The following MYO10 variants were observed in gnomAD, a reference collection of about 807,000 sequenced individuals.
MYO10 encodes the protein unconventional myosin-X.
MYO10 carries 133 observed loss-of-function variants against 257.3 expected under a neutral mutation model. The ratio of observed to expected loss-of-function variants is 0.52; its 90% CI spans 0.45 to 0.60. The LOEUF is 0.60. Ranked by LOEUF, MYO10 falls within the 20% of genes least tolerant of loss-of-function variation. MYO10 has a pLI of 0.00. For synonymous variants in MYO10, 1,104 were observed against 1,028.6 expected (o/e 1.07, Z -1.40); for missense variants, 2,399 against 2,635.7 (o/e 0.91, Z 1.97).
chr5:16,932,628 A>G (rs116438278), intron 1 of MYO10, among the ~76,000 whole-genome samples: 2,832 of 152,300 alleles, frequency 0.019, 46 homozygotes, highest in Middle Eastern at 0.044. Context: ...GAAGGCCATG[A>G]AGAAACTGAA....
At chr5:16,685,695 G>GC in intron 29 of MYO10, 43 bp downstream of exon 29, 7 of 1,028,078 alleles carry the variant, frequency 6.8e-6, no homozygotes, top group Non-Finnish European at 9.8e-6. Context: ...CCCCGTCCCT[G>GC]CCCCTAGACG....
In MYO10 at chr5:16,835,492, G is replaced by GGTTT. The variant is rs1554001243; in HGVS notation, c.121-17326_121-17325insAAAC. ...GATCACACCAAAGTCATTTTTGGCT[G>GGTTT]TTTTTTTTTTTTTTTTTTTTTTTGG... On this transcript the variant is annotated intron_variant, in intron 2 of 40. Transcript: ENST00000513610. Among the ~76,000 whole-genome samples, 144 of 81,070 alleles carry GGTTT rather than the reference G, an allele frequency of 1.8e-3. 1 individual carries two copies. The highest frequency in any genetic ancestry group is 3.8e-3 in the East Asian group (9 of 2,346). 53.2% of individuals were successfully genotyped at this position (81,070 alleles called of 152,430 possible). A position where few individuals can be genotyped will look rare whatever the true frequency, so the allele number is the denominator to read the frequency against.
intron 29 of MYO10, among the ~76,000 whole-genome samples, chr5:16,684,490 C>T (rs771889336): frequency 4.2e-4 from 64 of 152,320 alleles, no homozygotes; most frequent in African/African-American, 1.4e-3. Context: ...GTGATCCATC[C>T]GCCTTGGCCT....
chr5:16,757,997 A>C, intron 18 of MYO10, 121 bp downstream of exon 18: 1 of 767,736 alleles, frequency 1.3e-6, no homozygotes, highest in Non-Finnish European at 2.2e-6. Flanking sequence ...TAAAAGCATG[A>C]TATAAAAGGA....
chr5:16,870,683 G>A (rs1744428436), intron 2 of MYO10, among the ~76,000 whole-genome samples: 1 of 151,924 alleles, frequency 6.6e-6, no homozygotes, highest in Non-Finnish European at 1.5e-5. Flanking sequence ...ATCTGAGGTT[G>A]GGAGTTGGAG....
chr5:16,683,374 A>G (rs1737097383), intron 30 of MYO10, among the ~76,000 whole-genome samples: 2 of 152,192 alleles, frequency 1.3e-5, no homozygotes, highest in Admixed American at 1.3e-4. Flanking sequence ...ATCATCTCCA[A>G]AGATGATTTG....
chr5:16,739,122 A>G (rs1380026112), intron 19 of MYO10, among the ~76,000 whole-genome samples: 1 of 149,482 alleles, frequency 6.7e-6, no homozygotes, highest in Non-Finnish European at 1.5e-5. Context: ...GGAGTTTGAG[A>G]CTGTAGTGTG....
chr5:16,719,693 G>A (rs1202685447), intron 19 of MYO10, among the ~76,000 whole-genome samples: 5 of 152,202 alleles, frequency 3.3e-5, no homozygotes, highest in African/African-American at 1.2e-4. Context: ...GCCAGGCACG[G>A]TGGCTCACGC....
chr5:16,877,975 AT>A (rs964474277), intron 1 of MYO10, among the ~76,000 whole-genome samples: 2 of 152,140 alleles, frequency 1.3e-5, no homozygotes, highest in Admixed American at 1.3e-4. Context: ...CATGCAACTG[AT>A]TTAGGTGGAT....
chr5:16,698,902 C>T (rs887047247), intron 26 of MYO10, among the ~76,000 whole-genome samples: 60 of 143,798 alleles, frequency 4.2e-4, no homozygotes, highest in Admixed American at 8.0e-4. Context: ...GGATTACAGG[C>T]GTGAGCCACC....
chr5:16,902,487 T>A, intron 1 of MYO10: 2 of 1,538,584 alleles, frequency 1.3e-6, no homozygotes, highest in Non-Finnish European at 1.8e-6. Flanking sequence ...TTCAGACATG[T>A]CCCTGACTGC....
At chr5:16,916,972 T>C (rs1242454508) in intron 1 of MYO10, among the ~76,000 whole-genome samples, 1 of 152,126 alleles carries the variant, frequency 6.6e-6, no homozygotes, top group African/African-American at 2.4e-5. Flanking sequence ...ATCTCAGAAA[T>C]ATACAAATCA....
chr5:16,738,320 G>T, intron 19 of MYO10: 6 of 985,504 alleles, frequency 6.1e-6, no homozygotes, highest in Non-Finnish European at 7.2e-6. Flanking sequence ...CAGGGGTGGG[G>T]ATTAAGAGGC....
intron 26 of MYO10, among the ~76,000 whole-genome samples, chr5:16,695,524 A>C: frequency 6.6e-6 from 1 of 151,306 alleles, no homozygotes; most frequent in East Asian, 1.9e-4. Flanking sequence ...GACTGAGACT[A>C]TGAAAAAAAA....
At chr5:16,836,792 CT>C (rs1383873953) in intron 2 of MYO10, among the ~76,000 whole-genome samples, 1 of 152,122 alleles carries the variant, frequency 6.6e-6, no homozygotes, top group Non-Finnish European at 1.5e-5. Flanking sequence ...TCTGGTCATT[CT>C]TTGAAAGGCT....
At chr5:16,895,922 CG>C (rs1397199672) in intron 1 of MYO10, among the ~76,000 whole-genome samples, 1 of 152,142 alleles carries the variant, frequency 6.6e-6, no homozygotes, top group Non-Finnish European at 1.5e-5. Context: ...CACAGCAGGG[CG>C]GGGGCAGGGA....
rs193098233 is a variant in MYO10, at chr5:16,858,647, G to C, written c.120+18962C>G. On this transcript the variant is annotated intron_variant, in intron 2 of 40. Coordinates refer to ENST00000513610, the MANE Select transcript of MYO10 (RefSeq NM_012334.3). ...GTTTGAAATAAAAGCTGAAAGTTCA[G>C]GCTTCCATTGCAGTTCTACGTAACA... Among the ~76,000 whole-genome samples the C allele has an allele frequency of 1.7e-3, 252 of 152,210 alleles. 3 individuals are homozygous for C. The highest frequency in any genetic ancestry group is 5.9e-3 in the African/African-American group (244 of 41,544).
chr5:16,670,489 AC>A, intron 39 of MYO10, 36 bp downstream of exon 39: 1 of 1,542,922 alleles, frequency 6.5e-7, no homozygotes. Flanking sequence ...AGATGCCAGC[AC>A]CCAGCCCACC....
chr5:16,790,912 T>C (rs900916580), intron 4 of MYO10, among the ~76,000 whole-genome samples: 11 of 148,242 alleles, frequency 7.4e-5, no homozygotes, highest in South Asian at 6.4e-4. Flanking sequence ...TATATATATA[T>C]ACACACACAC....
Sources: allele counts gnomAD v4.1 joint callset (sites outside exome capture counted in the v4.1 genomes callset), GRCh38; gene constraint gnomAD v4.1.1; transcripts MANE v1.5; gene names NCBI Gene and HGNC (gene_info 2026-07-23, HGNC 2026-07-21).